JAM3: variants seen among roughly 807,000 people sequenced by gnomAD.
JAM3 encodes the protein junctional adhesion molecule 3.
In JAM3, 31 loss-of-function variants were observed where a neutral mutation model predicts 39.4. The observed-to-expected ratio is 0.79, with a 90% confidence interval of 0.59 to 1.06. The LOEUF (loss-of-function observed/expected upper bound fraction) is 1.06, where lower values mean the gene tolerates loss of function less well. JAM3 is among the 50% of genes least tolerant of loss of function. JAM3 has a pLI of 0.00. For missense variants in JAM3, 455 were observed against 391.4 expected (o/e 1.16, Z -1.37); for synonymous variants, 182 against 148.7 (o/e 1.22, Z -1.63).
chr11:134,086,899 G>C (rs1476545769), intron 1 of JAM3, among the ~76,000 whole-genome samples: 1 of 151,986 alleles, frequency 6.6e-6, no homozygotes, highest in African/African-American at 2.4e-5. Flanking sequence ...GAACTCCTGG[G>C]GTTCAAGCAA....
At chr11:134,140,246 T>A (rs776489682) in intron 2 of JAM3, among the ~76,000 whole-genome samples, 1 of 152,152 alleles carries the variant, frequency 6.6e-6, no homozygotes, top group Non-Finnish European at 1.5e-5. Context: ...CTCTGCCTCC[T>A]GAGTAGCTGG....
At chr11:134,075,815 T>C (rs1941559673) in intron 1 of JAM3, among the ~76,000 whole-genome samples, 1 of 152,228 alleles carries the variant, frequency 6.6e-6, no homozygotes, top group Admixed American at 6.5e-5. Context: ...TCAGTTCTTA[T>C]CCATTCAAAT....
At chr11:134,112,724 C>T (rs932647869) in intron 1 of JAM3, among the ~76,000 whole-genome samples, 2 of 152,116 alleles carry the variant, frequency 1.3e-5, no homozygotes, top group South Asian at 2.1e-4. Flanking sequence ...CTAATTGGTA[C>T]CGGTGGAGGA....
chr11:134,140,664 A>G lies in JAM3; in HGVS notation c.150A>G (p.Glu50=). The change falls in exon 3 of 9, where the codon GAA becomes GAG. Residue 50 remains glutamate, a synonymous_variant. Transcript: ENST00000299106. ...TTCTTCTTTGCGTGTTAGGTGTGGA[A>G]CTGTCTTGCATCATTACGGATTCGC... ...TPVVQEFESV[E]LSCIITDSQT... is the part of the protein sequence containing the mutation. 1 of 1,613,026 alleles carries G rather than the reference A, an allele frequency of 6.2e-7. No individual in the cohort carries two copies. The highest frequency in any genetic ancestry group is 8.5e-7 in the Non-Finnish European group (1 of 1,179,202).
chr11:134,093,344 A>T lies in JAM3; in HGVS notation c.76+24185A>T, dbSNP rs1225365494. Among the ~76,000 whole-genome samples the T allele has an allele frequency of 3.9e-5, 5 of 126,650 alleles. 1 individual carries two copies. The highest frequency in any genetic ancestry group is 8.1e-5 in the Non-Finnish European group (5 of 61,566). The allele number at this position is 126,650 out of a possible 152,430, so 83.1% of individuals were successfully genotyped here. The stretch of plus-strand genomic sequence containing the variant: ...CATCTTACATGTCACTCCCTGAGGG[A>T]AGCTTCTCCTGAGCCCTCCTTATTC... On this transcript the variant is annotated intron_variant, in intron 1 of 8. Coordinates refer to ENST00000299106, the MANE Select transcript of JAM3 (RefSeq NM_032801.5).
In JAM3 at chr11:134,151,673, A is replaced by C. The variant is rs574099365; in HGVS notation, c.*2492A>C. 19 of 152,340 alleles carry C rather than the reference A, an allele frequency of 1.2e-4. No homozygotes were observed. The highest frequency in any genetic ancestry group is 3.6e-4 in the African/African-American group (15 of 41,580). The allele number at this position is 152,340 out of a possible 1,614,324, so 9.4% of individuals were successfully genotyped here. On this transcript the variant is annotated 3_prime_UTR_variant, in exon 9 of 9. Coordinates refer to ENST00000299106, the MANE Select transcript of JAM3 (RefSeq NM_032801.5). The stretch of plus-strand genomic sequence containing the variant: ...TGCCTTTGGATGGATGTTGCTGTAC[A>C]CAGATGCTACAGACTTGTACTAACA...
At chr11:134,113,761 T>C (rs1942366684) in intron 1 of JAM3, among the ~76,000 whole-genome samples, 1 of 152,240 alleles carries the variant, frequency 6.6e-6, no homozygotes, top group Non-Finnish European at 1.5e-5. Flanking sequence ...CCCTGAGGAA[T>C]CGCCACACTG....
In JAM3 at chr11:134,076,833, C is replaced by CTTTTTTTTT. The variant is rs71038556; in HGVS notation, c.76+7686_76+7694dup. Among the ~76,000 whole-genome samples the CTTTTTTTTT allele has an allele frequency of 4.2e-5, 5 of 118,532 alleles. 2 individuals carry two copies. The highest frequency in any genetic ancestry group is 6.7e-5 in the African/African-American group (2 of 29,790). The allele number at this position is 118,532 out of a possible 152,430, so 77.8% of individuals were successfully genotyped here. A position where few individuals can be genotyped will look rare whatever the true frequency, so the allele number is the denominator to read the frequency against. ...TTTGCAATCTCACTAACATCTATTG[C>CTTTTTTTTT]TTTTTTTTTTTTTTTTTTTTGAGAT... On this transcript the variant is annotated intron_variant, in intron 1 of 8. Transcript: ENST00000299106.
At chr11:134,109,252 G>A (rs770251421) in intron 1 of JAM3, among the ~76,000 whole-genome samples, 32 of 152,072 alleles carry the variant, frequency 2.1e-4, no homozygotes, top group African/African-American at 6.3e-4. Context: ...GTGAGCCACC[G>A]TGCCCGGCCT....
intron 1 of JAM3, among the ~76,000 whole-genome samples, chr11:134,089,096 A>G (rs1388346875): frequency 1.3e-5 from 2 of 152,170 alleles, no homozygotes; most frequent in African/African-American, 2.4e-5. Context: ...GCACTAGAGG[A>G]TCTCGAATTG....
chr11:134,095,437 C>G (rs1941961588), intron 1 of JAM3, among the ~76,000 whole-genome samples: 2 of 152,074 alleles, frequency 1.3e-5, no homozygotes, highest in Admixed American at 1.3e-4. Flanking sequence ...CGAGACCATC[C>G]TGGCCAACAT....
chr11:134,128,859 ATCTTTC>A (rs1272708392), intron 1 of JAM3, among the ~76,000 whole-genome samples: 1 of 152,138 alleles, frequency 6.6e-6, no homozygotes, highest in Admixed American at 6.5e-5. Flanking sequence ...CATTTTTTGT[ATCTTTC>A]TCTTGCTCTG....
Position 134,149,264 on chromosome 11 carries a change from T to G in JAM3, c.*83T>G. 6.5e-7 allele frequency: 1 copy of G among 1,530,778 alleles called. No individual in the cohort carries two copies. Among genetic ancestry groups the G allele is most frequent in the Non-Finnish European group, 9.0e-7 (1 of 1,107,534 alleles). The allele number at this position is 1,530,778 out of a possible 1,614,324, so 94.8% of individuals were successfully genotyped here. On this transcript the variant is annotated 3_prime_UTR_variant, in exon 9 of 9. Coordinates refer to ENST00000299106, the MANE Select transcript of JAM3 (RefSeq NM_032801.5). ...CTCCTGTCAAGGCAGCGAGAGCTGA[T>G]GCACTCGGACAGAGCTAGACACTCA... is the stretch of plus-strand genomic sequence containing the variant.
chr11:134,111,005 T>C (rs1196195214), intron 1 of JAM3, among the ~76,000 whole-genome samples: 1 of 152,062 alleles, frequency 6.6e-6, no homozygotes, highest in African/African-American at 2.4e-5. Context: ...ATTCTCTCTC[T>C]CCCTCTGTGA....
chr11:134,146,620 TGC>T (rs955395533), intron 6 of JAM3, among the ~76,000 whole-genome samples: 2 of 151,782 alleles, frequency 1.3e-5, no homozygotes, highest in African/African-American at 4.8e-5. Context: ...CAGGCTGGAG[TGC>T]AGTGAGTGCA....
chr11:134,127,992 T>C (rs1942684373), intron 1 of JAM3, among the ~76,000 whole-genome samples: 1 of 152,140 alleles, frequency 6.6e-6, no homozygotes, highest in African/African-American at 2.4e-5. Flanking sequence ...AAGCACATAT[T>C]GACCCCCACT....
At chr11:134,107,757 G>A (rs1942223596) in intron 1 of JAM3, among the ~76,000 whole-genome samples, 1 of 152,024 alleles carries the variant, frequency 6.6e-6, no homozygotes, top group African/African-American at 2.4e-5. Flanking sequence ...CAGCTACTTG[G>A]GACATCGGGG....
chr11:134,105,184 T>C (rs544575068), intron 1 of JAM3, among the ~76,000 whole-genome samples: 2 of 152,150 alleles, frequency 1.3e-5, no homozygotes, highest in Non-Finnish European at 2.9e-5. Flanking sequence ...CCCTGGGATG[T>C]AAGGCTGGTT....
At chr11:134,114,969 G>C (rs1017742956) in intron 1 of JAM3, among the ~76,000 whole-genome samples, 1 of 152,116 alleles carries the variant, frequency 6.6e-6, no homozygotes, top group African/African-American at 2.4e-5. Context: ...CTATGGATTT[G>C]TTTATTTCTC....
Sources: gnomAD v4.1 joint callset for allele counts (sites outside exome capture counted in the v4.1 genomes callset) on GRCh38, gnomAD v4.1.1 for gene constraint, MANE v1.5 for transcripts, NCBI Gene and HGNC (gene_info 2026-07-23, HGNC 2026-07-21) for gene names.